FAM168B: variants seen among roughly 807,000 people sequenced by gnomAD.
The protein encoded by FAM168B is family with sequence similarity 168 member B, also known as myelin-associated neurite-outgrowth inhibitor.
In FAM168B, 19 loss-of-function variants were observed where a neutral mutation model predicts 21.8. The ratio of observed to expected loss-of-function variants is 0.87; its 90% CI spans 0.61 to 1.28. The LOEUF (loss-of-function observed/expected upper bound fraction) is 1.28, where lower values mean the gene tolerates loss of function less well. Among genes scored for constraint, FAM168B ranks in the 50% most tolerant of loss-of-function variants. The pLI is 0.00. For missense variants in FAM168B, 233 were observed against 263.1 expected, an observed-to-expected ratio of 0.89 and a Z score of 0.79; for synonymous variants, 126 against 104.8, an observed-to-expected ratio of 1.20 and a Z score of -1.24.
chr2:131,073,320 T>C (rs1692975358), intron 2 of FAM168B, among the ~76,000 whole-genome samples: 1 of 152,212 alleles, frequency 6.6e-6, no homozygotes, highest in Non-Finnish European at 1.5e-5. Context: ...CTCGAACTCC[T>C]GACCTCAGGT....
At chr2:131,058,703 A>G (rs1032582195) in intron 3 of FAM168B, among the ~76,000 whole-genome samples, 1 of 152,224 alleles carries the variant, frequency 6.6e-6, no homozygotes, top group African/African-American at 2.4e-5. Flanking sequence ...TGGAAAAGCA[A>G]GTTTCAAGAC....
At chr2:131,061,760 C>T (rs923624130) in intron 3 of FAM168B, among the ~76,000 whole-genome samples, 4 of 148,046 alleles carry the variant, frequency 2.7e-5, no homozygotes, top group African/African-American at 7.6e-5. Context: ...CCAGCCTGGG[C>T]GACAGAGGGA....
intron 1 of FAM168B, among the ~76,000 whole-genome samples, chr2:131,083,311 A>G (rs1052665873): frequency 2.0e-5 from 3 of 152,168 alleles, no homozygotes; most frequent in Non-Finnish European, 4.4e-5. Context: ...CCAATATTGC[A>G]CCACTGCACT....
At chr2:131,054,541 T>A (rs1691893806) in intron 5 of FAM168B, among the ~76,000 whole-genome samples, 1 of 152,210 alleles carries the variant, frequency 6.6e-6, no homozygotes, top group Non-Finnish European at 1.5e-5. Flanking sequence ...CTGGCATAAT[T>A]TCCTTACACT....
rs1004518668 is a variant in FAM168B at position 131,051,254 on chromosome 2, C to T, written c.*1211G>A. 62 of 985,174 alleles carry T rather than the reference C, an allele frequency of 6.3e-5. No homozygotes were observed. Among genetic ancestry groups the T allele is most frequent in the Non-Finnish European group, 7.5e-5 (62 of 829,920 alleles). 61.0% of individuals were successfully genotyped at this position (985,174 alleles called of 1,614,324 possible). ...GCCTCAGCAGACAAGTCACCACCAT[C>T]AGGTGGGTGATCCCAGAAGCAGCTA... is the stretch of plus-strand genomic sequence containing the variant. On this transcript the variant is annotated 3_prime_UTR_variant, in exon 7 of 7. Coordinates refer to ENST00000389915, the MANE Select transcript of FAM168B (RefSeq NM_001009993.4).
chr2:131,085,109 A>G (rs937989655), intron 1 of FAM168B, among the ~76,000 whole-genome samples: 1 of 152,108 alleles, frequency 6.6e-6, no homozygotes, highest in Admixed American at 6.6e-5. Context: ...GGTATATGGG[A>G]ACTCTCTGTA....
At chr2:131,092,253 G>A (rs574466273) in intron 1 of FAM168B, among the ~76,000 whole-genome samples, 1 of 152,008 alleles carries the variant, frequency 6.6e-6, no homozygotes, top group Admixed American at 6.6e-5. Context: ...AGCCTGCTTT[G>A]TAAAGACAAA....
At chr2:131,060,247 A>T (rs761919065) in intron 3 of FAM168B, among the ~76,000 whole-genome samples, 2 of 152,106 alleles carry the variant, frequency 1.3e-5, no homozygotes, top group Non-Finnish European at 2.9e-5. Flanking sequence ...GCTGGTGTCG[A>T]ACTCCCAACC....
At chr2:131,083,548 A>G (rs919500088) in intron 1 of FAM168B, among the ~76,000 whole-genome samples, 1 of 152,222 alleles carries the variant, frequency 6.6e-6, no homozygotes, top group African/African-American at 2.4e-5. Flanking sequence ...CGCAAAAAAA[A>G]CATGGGGAAA....
intron 1 of FAM168B, among the ~76,000 whole-genome samples, chr2:131,087,670 G>T (rs995906225): frequency 6.6e-6 from 1 of 152,136 alleles, no homozygotes; most frequent in Admixed American, 6.6e-5. Context: ...CCACCAAGTG[G>T]AGACCCTTAA....
Position 131,052,979 on chromosome 2 carries a change from G to A in FAM168B, c.512C>T (p.Ala171Val). The change falls in exon 6 of 7, where the codon GCC becomes GTC. Residue 171 changes from alanine to valine, a missense_variant. Physicochemically the swap from Ala to Val is moderately conservative, Grantham distance 64. Transcript: ENST00000389915. ...LLTAHSPTPVAPHPVTVPTYR... is the reference protein window; with the variant it reads ...LLTAHSPTPVVPHPVTVPTYR... ...CGTGGGCACAGTGACCGGGTGGGGG[G>A]CGACAGGAGTTGGGGAGTGAGCAGT... 1.9e-6 allele frequency: 3 copies of A among 1,558,680 alleles called. No homozygotes were observed. The highest frequency in any genetic ancestry group is 1.7e-6 in the Non-Finnish European group (2 of 1,150,926).
intron 3 of FAM168B, among the ~76,000 whole-genome samples, 194 bp downstream of exon 3, chr2:131,071,661 A>C (rs1230477286): frequency 6.6e-6 from 1 of 152,220 alleles, no homozygotes; most frequent in Non-Finnish European, 1.5e-5. Flanking sequence ...GTGGGAGGAC[A>C]TGAGAAACAC....
chr2:131,063,945 T>C (rs1198113697), intron 3 of FAM168B, among the ~76,000 whole-genome samples: 3 of 151,900 alleles, frequency 2.0e-5, no homozygotes, highest in Non-Finnish European at 1.5e-5. Flanking sequence ...TTTAAATAAA[T>C]ACACACAATT....
intron 3 of FAM168B, among the ~76,000 whole-genome samples, chr2:131,068,724 A>G (rs1692699418): frequency 6.6e-6 from 1 of 152,138 alleles, no homozygotes; most frequent in Admixed American, 6.6e-5. Context: ...GTTCGAGAAG[A>G]TGGGTGACAA....
chr2:131,054,317 G>A (rs1290456540), intron 5 of FAM168B, among the ~76,000 whole-genome samples: 2 of 151,168 alleles, frequency 1.3e-5, no homozygotes, highest in African/African-American at 2.4e-5. Flanking sequence ...TCCTACAACT[G>A]CAGAAACTCA....
Position 131,056,572 on chromosome 2 carries a change from C to A in FAM168B, c.155-877G>T, listed in dbSNP as rs181460021. 8.5e-4 allele frequency among the ~76,000 whole-genome samples: 130 copies of A among 152,178 alleles called. 1 individual carries two copies. The East Asian group carries it at 0.018, about 21-fold the overall frequency. ...AAGCAGTTAGGTGTCCCTTCCTGAC[C>A]CCAACAGAGAAGAGGGGTTTGGTCT... On this transcript the variant is annotated intron_variant, in intron 3 of 6. Transcript: ENST00000389915.
intron 1 of FAM168B, among the ~76,000 whole-genome samples, chr2:131,086,558 C>T (rs2105588525): frequency 6.6e-6 from 1 of 152,262 alleles, no homozygotes; most frequent in African/African-American, 2.4e-5. Context: ...ATCGTTATCA[C>T]TGCAGTCCAG....
At chr2:131,067,114 C>T (rs1269707587) in intron 3 of FAM168B, among the ~76,000 whole-genome samples, 1 of 152,142 alleles carries the variant, frequency 6.6e-6, no homozygotes, top group East Asian at 1.9e-4. Flanking sequence ...CCTCCAGTGA[C>T]ATGTGGGGAT....
chr2:131,060,029 T>A (rs1692215229), intron 3 of FAM168B, among the ~76,000 whole-genome samples: 1 of 150,326 alleles, frequency 6.7e-6, no homozygotes, highest in Non-Finnish European at 1.5e-5. Flanking sequence ...GAGCAGGAAT[T>A]TTTTTTTTTG....
Sources: gnomAD v4.1 joint callset for allele counts (sites outside exome capture counted in the v4.1 genomes callset) on GRCh38, gnomAD v4.1.1 for gene constraint, MANE v1.5 for transcripts, NCBI Gene and HGNC (gene_info 2026-07-23, HGNC 2026-07-21) for gene names.